SPATA13: variants seen among roughly 807,000 people sequenced by gnomAD.
The protein encoded by SPATA13 is spermatogenesis associated 13, also known as spermatogenesis-associated protein 13.
A neutral mutation model predicts 104.0 loss-of-function variants in SPATA13; 50 were observed. The observed-to-expected ratio is 0.48, with a 90% CI of 0.38 to 0.61. SPATA13 has a LOEUF of 0.61. SPATA13 is among the 20% of genes least tolerant of loss of function. SPATA13 has a pLI of 0.00. For synonymous variants in SPATA13, 606 were observed against 667.5 expected, an observed-to-expected ratio of 0.91 and a Z score of 1.42; for missense variants, 1,524 against 1,690.6, an observed-to-expected ratio of 0.90 and a Z score of 1.73.
At chr13:24,086,066 G>GGAGTA (rs10636364) in intron 3 of SPATA13, among the ~76,000 whole-genome samples, 121,515 of 151,602 alleles carry the variant, frequency 0.8, 49,052 homozygotes, top group East Asian at 1. Context: ...TTTCACTGTG[G>GGAGTA]GAGTAGCAGG....
intron 1 of SPATA13, among the ~76,000 whole-genome samples, chr13:24,207,378 A>G (rs369870505): frequency 6.6e-6 from 1 of 152,240 alleles, no homozygotes; most frequent in East Asian, 1.9e-4. Context: ...TGAACTTAAA[A>G]TAAAAATCGG....
intron 3 of SPATA13, among the ~76,000 whole-genome samples, chr13:24,134,184 G>T (rs1881480542): frequency 6.6e-6 from 1 of 152,202 alleles, no homozygotes; most frequent in East Asian, 1.9e-4. Context: ...TTGGGCCAAT[G>T]AATTTCTCTC....
intron 3 of SPATA13, among the ~76,000 whole-genome samples, chr13:24,097,314 A>G (rs1298868010): frequency 6.6e-6 from 1 of 152,176 alleles, no homozygotes; most frequent in Non-Finnish European, 1.5e-5. Flanking sequence ...ATGAGAAGCT[A>G]AATAATTTCC....
chr13:24,016,609 C>G (rs910564640), intron 2 of SPATA13, among the ~76,000 whole-genome samples: 1 of 152,208 alleles, frequency 6.6e-6, no homozygotes, highest in Non-Finnish European at 1.5e-5. Context: ...GTCCAGGGCC[C>G]GGGCATGGCC....
intron 2 of SPATA13, among the ~76,000 whole-genome samples, chr13:24,227,577 CT>C (rs1025725957): frequency 8.8e-5 from 13 of 148,212 alleles, no homozygotes; most frequent in South Asian, 8.5e-4. Flanking sequence ...CTTCAAAATT[CT>C]TTTTTTTTTA....
chr13:24,240,739 A>G (rs1205232503), intron 2 of SPATA13, among the ~76,000 whole-genome samples: 1 of 152,202 alleles, frequency 6.6e-6, no homozygotes, highest in Non-Finnish European at 1.5e-5. Context: ...GCATTTTTAA[A>G]TGAACTACCA....
intron 2 of SPATA13, among the ~76,000 whole-genome samples, chr13:24,242,554 T>C (rs1872905176): frequency 6.6e-6 from 1 of 152,256 alleles, no homozygotes; most frequent in South Asian, 2.1e-4. Context: ...CTTGCTCTTA[T>C]CTTTCAGTAA....
At chr13:24,196,672 G>C (rs1345400616) in intron 1 of SPATA13, among the ~76,000 whole-genome samples, 1 of 152,148 alleles carries the variant, frequency 6.6e-6, no homozygotes, top group Non-Finnish European at 1.5e-5. Flanking sequence ...AAAGGTTGAG[G>C]CTGCAGTGAG....
intron 3 of SPATA13, among the ~76,000 whole-genome samples, chr13:24,135,718 AG>A (rs137923002): frequency 1.1e-4 from 16 of 140,536 alleles, no homozygotes; most frequent in East Asian, 7.0e-4. Context: ...AAAAAAAAAA[AG>A]AGTATTTTTA....
chr13:24,202,070 CTAAATAAATAAATAAA>C (rs67125164), intron 1 of SPATA13, among the ~76,000 whole-genome samples: 12 of 151,200 alleles, frequency 7.9e-5, no homozygotes, highest in African/African-American at 1.9e-4. Context: ...AAGACTCTGT[CTAAATAAATAAATAAA>C]TAAATAAATA....
intron 3 of SPATA13, among the ~76,000 whole-genome samples, chr13:24,102,666 G>T (rs1239143522): frequency 6.6e-6 from 1 of 151,876 alleles, no homozygotes; most frequent in Non-Finnish European, 1.5e-5. Context: ...TAGAGATGGG[G>T]TTTCACCACG....
intron 3 of SPATA13, among the ~76,000 whole-genome samples, chr13:24,061,514 T>G (rs1878771383): frequency 1.3e-5 from 2 of 152,192 alleles, no homozygotes; most frequent in South Asian, 4.1e-4. Flanking sequence ...GTGGAACATA[T>G]GCACCATGGA....
chr13:24,270,011 C>T (rs1052173903), intron 4 of SPATA13, among the ~76,000 whole-genome samples: 13 of 151,904 alleles, frequency 8.6e-5, no homozygotes, highest in African/African-American at 2.4e-4. Context: ...CATGAGCCAG[C>T]GGGCCCAGCT....
At chr13:24,037,314 G>A (rs867365374) in intron 3 of SPATA13, among the ~76,000 whole-genome samples, 8 of 151,104 alleles carry the variant, frequency 5.3e-5, no homozygotes, top group African/African-American at 1.9e-4. Flanking sequence ...TAACAAACCT[G>A]CACGTTGTGC....
At chr13:24,097,593 C>T (rs1041140918) in intron 3 of SPATA13, among the ~76,000 whole-genome samples, 7 of 152,038 alleles carry the variant, frequency 4.6e-5, no homozygotes, top group Non-Finnish European at 1.0e-4. Flanking sequence ...AACTCATGGA[C>T]GACACTTACA....
chr13:24,084,305 G>A lies in SPATA13; in HGVS notation c.-112+66604G>A, dbSNP rs141014127. 3.6e-3 allele frequency among the ~76,000 whole-genome samples: 551 copies of A among 152,334 alleles called. 23 individuals carry two copies. Among genetic ancestry groups the A allele is most frequent in the Admixed American group, 0.032 (486 of 15,306 alleles). On this transcript the variant is annotated intron_variant, in intron 3 of 14. Transcript: ENST00000424834. ...GGGGAAAAGGGTCTCTGTGCTTGCA[G>A]TTCTGCTTCTTTTGAGAAAGGAAGG...
intron 3 of SPATA13, among the ~76,000 whole-genome samples, chr13:24,090,078 T>G (rs9580860): frequency 0.04 from 6,148 of 152,288 alleles, 389 homozygotes; most frequent in African/African-American, 0.14. Flanking sequence ...AACACAAGAA[T>G]TTTGGGAAAG....
chr13:24,181,939 A>G (rs1456984036), intron 1 of SPATA13, among the ~76,000 whole-genome samples: 1 of 152,126 alleles, frequency 6.6e-6, no homozygotes, highest in Admixed American at 6.5e-5. Context: ...ACATGGTGAA[A>G]CCCCATCTCT....
intron 3 of SPATA13, among the ~76,000 whole-genome samples, chr13:24,052,670 T>C (rs1878385069): frequency 6.6e-6 from 1 of 151,818 alleles, no homozygotes; most frequent in African/African-American, 2.4e-5. Context: ...AAGGACTCTT[T>C]GGACACAGTA....
Sources: allele counts gnomAD v4.1 joint callset (sites outside exome capture counted in the v4.1 genomes callset), GRCh38; gene constraint gnomAD v4.1.1; transcripts MANE v1.5; gene names NCBI Gene and HGNC (gene_info 2026-07-23, HGNC 2026-07-21).